Variants in DIS3L2 observed in about 807,000 individuals in gnomAD.
The protein encoded by DIS3L2 is DIS3-like exonuclease 2.
In DIS3L2, 34 loss-of-function variants were observed where a neutral mutation model predicts 97.5. The observed-to-expected ratio is 0.35, with a 90% CI of 0.27 to 0.46. DIS3L2 has a LOEUF of 0.46. Among genes scored for constraint, DIS3L2 ranks in the 20% least tolerant of loss-of-function variants. DIS3L2 has a pLI of 1.00. For synonymous variants in DIS3L2, 435 were observed against 445.2 expected, an observed-to-expected ratio of 0.98 and a Z score of 0.29; for missense variants, 1,038 against 1,146.0, an observed-to-expected ratio of 0.91 and a Z score of 1.36.
At chr2:232,274,384 A>C (rs541923199) in intron 13 of DIS3L2, among the ~76,000 whole-genome samples, 8 of 152,294 alleles carry the variant, frequency 5.3e-5, no homozygotes, top group African/African-American at 1.9e-4. Flanking sequence ...CACGTCACTC[A>C]TATGTGAGCC....
chr2:232,191,676 T>C (rs6723517), intron 9 of DIS3L2, among the ~76,000 whole-genome samples: 2,353 of 152,312 alleles, frequency 0.015, 63 homozygotes, highest in African/African-American at 0.054. Context: ...TGCCATGTAG[T>C]CTTTTTGCCT....
chr2:232,154,022 CGTA>C (rs1690400015), intron 8 of DIS3L2, among the ~76,000 whole-genome samples: 1 of 135,994 alleles, frequency 7.4e-6, no homozygotes, highest in Non-Finnish European at 1.6e-5. Context: ...GCTTTCTTCA[CGTA>C]GTTCTCGAGC....
chr2:232,333,666 C>T lies in DIS3L2; in HGVS notation c.2011-174C>T, dbSNP rs1316080739. On this transcript the variant is annotated intron_variant, in intron 16 of 20. Coordinates refer to ENST00000325385, the MANE Select transcript of DIS3L2 (RefSeq NM_152383.5). ...AGCCTCCTGGCCTCCCCCTGGGGCC[C>T]CTTGTGCAGCAAGGGCCCTGGCCCC... 3.3e-5 allele frequency among the ~76,000 whole-genome samples: 5 copies of T among 152,190 alleles called. No homozygotes were observed. In the East Asian group the frequency reaches 9.7e-4, roughly 29 times the overall value.
intron 1 of DIS3L2, among the ~76,000 whole-genome samples, chr2:231,990,146 A>G (rs1333797651): frequency 6.6e-6 from 1 of 151,722 alleles, no homozygotes; most frequent in African/African-American, 2.4e-5. Context: ...GAATTCTGAC[A>G]CCAATACCTT....
Position 232,292,656 on chromosome 2 carries a change from G to A in DIS3L2, c.1660-7384G>A, listed in dbSNP as rs936572305. ...AAAGGGGACCCAGTGGTAGTCTCATGCTCTGGCCGCCTGGAGCCTGCCCTC... is the reference window on the plus strand; with the variant it reads ...AAAGGGGACCCAGTGGTAGTCTCATACTCTGGCCGCCTGGAGCCTGCCCTC... On this transcript the variant is annotated intron_variant, in intron 13 of 20. Transcript: ENST00000325385. The surrounding 1 kb of genome is among the most constrained non-coding windows in gnomAD (Gnocchi z 4.4). Among the ~76,000 whole-genome samples the A allele has an allele frequency of 6.6e-6, 1 of 152,210 alleles. No individual in the cohort carries two copies. Among genetic ancestry groups the A allele is most frequent in the Non-Finnish European group, 1.5e-5 (1 of 68,030 alleles).
chr2:232,113,669 T>G (rs1368953464), intron 6 of DIS3L2, among the ~76,000 whole-genome samples: 1 of 152,246 alleles, frequency 6.6e-6, no homozygotes, highest in Non-Finnish European at 1.5e-5. Flanking sequence ...GAAAGAGAGC[T>G]GACCTAACCA....
chr2:231,997,976 A>G (rs1413931240), intron 1 of DIS3L2, among the ~76,000 whole-genome samples: 2 of 152,184 alleles, frequency 1.3e-5, no homozygotes, highest in Non-Finnish European at 2.9e-5. Context: ...CATGAGTGGC[A>G]TAGAGTTGTC....
chr2:232,313,710 G>C (rs1303470342), intron 14 of DIS3L2, among the ~76,000 whole-genome samples: 3 of 152,122 alleles, frequency 2.0e-5, no homozygotes, highest in Admixed American at 6.5e-5. Flanking sequence ...CCATTTTCAT[G>C]CTACTGATAA....
At chr2:231,984,420 T>G (rs1337933967) in intron 1 of DIS3L2, among the ~76,000 whole-genome samples, 2 of 142,052 alleles carry the variant, frequency 1.4e-5, no homozygotes, top group Non-Finnish European at 3.0e-5. Context: ...GGAGTCTGGC[T>G]CTGTCGCCCA....
intron 11 of DIS3L2, among the ~76,000 whole-genome samples, chr2:232,242,385 C>G (rs948306898): frequency 2.6e-5 from 4 of 152,172 alleles, no homozygotes; most frequent in African/African-American, 9.7e-5. Flanking sequence ...CAGCAAAGGC[C>G]TGGGCTGAAA....
At chr2:232,318,911 A>G (rs1695350952) in intron 14 of DIS3L2, among the ~76,000 whole-genome samples, 1 of 152,158 alleles carries the variant, frequency 6.6e-6, no homozygotes, top group Admixed American at 6.5e-5. Flanking sequence ...CCACCTCCCC[A>G]CCGTCTCTCC....
Position 232,281,268 on chromosome 2 carries a change from G to A in DIS3L2, c.1659+17828G>A, listed in dbSNP as rs11686450. ...CAAAAAATTAGCCGGGCGTGGTGGCGGGCGCCTGTGGTCCCAGCTATTTGG... is the reference window on the plus strand; with the variant it reads ...CAAAAAATTAGCCGGGCGTGGTGGCAGGCGCCTGTGGTCCCAGCTATTTGG... On this transcript the variant is annotated intron_variant, in intron 13 of 20. Transcript: ENST00000325385. The surrounding 1 kb of genome is among the most constrained non-coding windows in gnomAD (Gnocchi z 4.1). Among the ~76,000 whole-genome samples the A allele has an allele frequency of 0.012, 1,819 of 152,222 alleles. 17 individuals are homozygous for A. Among genetic ancestry groups the A allele is most frequent in the Non-Finnish European group, 0.017 (1,187 of 68,008 alleles).
At chr2:232,081,209 T>G (rs1485825539) in intron 5 of DIS3L2, among the ~76,000 whole-genome samples, 3 of 152,160 alleles carry the variant, frequency 2.0e-5, no homozygotes, top group Non-Finnish European at 4.4e-5. Flanking sequence ...ATATAGTGAA[T>G]CAGGAAGCAC....
At chr2:232,245,978 C>A (rs925682717) in intron 11 of DIS3L2, among the ~76,000 whole-genome samples, 2 of 152,218 alleles carry the variant, frequency 1.3e-5, no homozygotes, top group African/African-American at 2.4e-5. Context: ...ATCTCCTGGG[C>A]AGAAGCCAGT....
At chr2:232,316,294 C>T (rs907236836) in intron 14 of DIS3L2, among the ~76,000 whole-genome samples, 5 of 152,162 alleles carry the variant, frequency 3.3e-5, no homozygotes, top group African/African-American at 4.8e-5. Context: ...GCGCCAAAAC[C>T]TTGTTCCTTA....
At chr2:232,342,247 A>G (rs1177397597) in intron 13 of DIS3L2, among the ~76,000 whole-genome samples, 2 of 146,962 alleles carry the variant, frequency 1.4e-5, no homozygotes, top group South Asian at 2.1e-4. Flanking sequence ...ATACACATAT[A>G]TACACATACA....
chr2:232,330,645 C>A lies in DIS3L2; in HGVS notation c.1924-45C>A, dbSNP rs367837799. The A allele has an allele frequency of 1.9e-6, 3 of 1,599,158 alleles. No individual in the cohort carries two copies. The South Asian group carries it at 3.3e-5, about 18-fold the overall frequency. ...GATGACAGGGCCCAGAGTCTCTGCC[C>A]GAGCTGGACCACACGTCACATAGGT... On this transcript the variant is annotated intron_variant, in intron 15 of 20. Coordinates refer to ENST00000325385, the MANE Select transcript of DIS3L2 (RefSeq NM_152383.5).
Position 232,329,795 on chromosome 2 carries a change from C to A in DIS3L2, c.1740-18C>A. 1.1e-4 allele frequency: 34 copies of A among 318,000 alleles called. No individual in the cohort carries two copies. The highest frequency in any genetic ancestry group is 1.7e-4 in the Non-Finnish European group (30 of 173,810). 19.7% of individuals were successfully genotyped at this position (318,000 alleles called of 1,614,324 possible). ...CCCAAACCCCAGCGGTCCCTCCCATCCCACCCACCCTCTGCAGGCTCGTGG... is the reference window on the plus strand; with the variant it reads ...CCCAAACCCCAGCGGTCCCTCCCATACCACCCACCCTCTGCAGGCTCGTGG... On this transcript the variant is annotated intron_variant, in intron 14 of 20. Transcript: ENST00000325385.
intron 12 of DIS3L2, among the ~76,000 whole-genome samples, chr2:232,254,881 G>A (rs1340516419): frequency 6.6e-6 from 1 of 152,162 alleles, no homozygotes; most frequent in Non-Finnish European, 1.5e-5. Flanking sequence ...ATGAGAGTTT[G>A]GACTAGAGAC....
Sources: allele counts gnomAD v4.1 joint callset (sites outside exome capture counted in the v4.1 genomes callset), GRCh38; gene constraint gnomAD v4.1.1; non-coding constraint Gnocchi (gnomAD v3.1); transcripts MANE v1.5; gene names NCBI Gene and HGNC (gene_info 2026-07-23, HGNC 2026-07-21).